Variants in PCED1B observed in about 807,000 individuals in gnomAD.
The protein encoded by PCED1B is PC-esterase domain containing 1B.
For missense variants in PCED1B, 573 were observed against 573.9 expected (o/e 1.00, Z 0.02); for synonymous variants, 251 against 246.1 (o/e 1.02, Z -0.19).
intron 1 of PCED1B, among the ~76,000 whole-genome samples, chr12:47,085,084 C>A (rs761450507): frequency 3.9e-5 from 6 of 152,218 alleles, no homozygotes; most frequent in Non-Finnish European, 8.8e-5. Flanking sequence ...ACAGAGGTTG[C>A]AGTGAGCAGA....
At chr12:47,183,619 T>C (rs1420007295) in intron 2 of PCED1B, among the ~76,000 whole-genome samples, 1 of 152,106 alleles carries the variant, frequency 6.6e-6, no homozygotes, top group Non-Finnish European at 1.5e-5. Flanking sequence ...ATATCACCCA[T>C]TGAACGGGTA....
rs1013120592 is a variant in PCED1B, at chr12:47,168,860, G to A, written c.-525-47362G>A. ...TTTCTTATTTCTGAGTTTTATTAGA[G>A]AATATAACCTGTAAAATTGACCTTT... On this transcript the variant is annotated intron_variant, in intron 2 of 3. Transcript: ENST00000546455. Among the ~76,000 whole-genome samples the A allele has an allele frequency of 4.6e-5, 7 of 151,952 alleles. No individual in the cohort carries two copies. The South Asian group carries it at 1.5e-3, about 32-fold the overall frequency.
intron 1 of PCED1B, among the ~76,000 whole-genome samples, chr12:47,095,326 T>C (rs1415178462): frequency 6.6e-6 from 1 of 152,174 alleles, no homozygotes; most frequent in Non-Finnish European, 1.5e-5. Flanking sequence ...TATTGTTGCT[T>C]CTTTGAAGCT....
chr12:47,224,633 C>T (rs898916307), intron 3 of PCED1B, among the ~76,000 whole-genome samples: 6 of 152,182 alleles, frequency 3.9e-5, no homozygotes, highest in East Asian at 1.9e-4. Context: ...TCGCTTATCT[C>T]GCATGATTTT....
chr12:47,233,198 C>T (rs1943864366), intron 3 of PCED1B, among the ~76,000 whole-genome samples: 1 of 152,180 alleles, frequency 6.6e-6, no homozygotes, highest in Non-Finnish European at 1.5e-5. Flanking sequence ...TGAGCTGCCG[C>T]GCCCACCACA....
intron 2 of PCED1B, among the ~76,000 whole-genome samples, chr12:47,213,804 C>T (rs1052585760): frequency 6.6e-6 from 1 of 152,150 alleles, no homozygotes; most frequent in Non-Finnish European, 1.5e-5. Flanking sequence ...GCAATAGTAG[C>T]TGTCTACATA....
chr12:47,199,837 A>T (rs1942712207), intron 2 of PCED1B, among the ~76,000 whole-genome samples: 1 of 152,240 alleles, frequency 6.6e-6, no homozygotes, highest in Admixed American at 6.5e-5. Flanking sequence ...CTTCAACACC[A>T]AAAGCACAAT....
At chr12:47,093,027 T>C (rs1001081756) in intron 1 of PCED1B, among the ~76,000 whole-genome samples, 14 of 152,184 alleles carry the variant, frequency 9.2e-5, no homozygotes, top group African/African-American at 3.4e-4. Context: ...AAAGCTCACC[T>C]TCTCTTTCTG....
intron 2 of PCED1B, among the ~76,000 whole-genome samples, chr12:47,146,884 C>A: frequency 6.6e-6 from 1 of 152,092 alleles, no homozygotes; most frequent in South Asian, 2.1e-4. Context: ...ATTATAAATT[C>A]CATCTCTGAG....
At chr12:47,110,320 A>G (rs1939135391) in intron 2 of PCED1B, among the ~76,000 whole-genome samples, 3 of 152,284 alleles carry the variant, frequency 2.0e-5, no homozygotes, top group South Asian at 4.1e-4. Flanking sequence ...CCATAATGTG[A>G]GCTTTTGTCA....
At chr12:47,121,908 T>C (rs1340651866) in intron 2 of PCED1B, among the ~76,000 whole-genome samples, 3 of 151,488 alleles carry the variant, frequency 2.0e-5, no homozygotes, top group Non-Finnish European at 4.4e-5. Context: ...GGTGGGCGCC[T>C]GTAATCCCAG....
At chr12:47,113,313 C>T (rs1050702010) in intron 2 of PCED1B, among the ~76,000 whole-genome samples, 2 of 152,102 alleles carry the variant, frequency 1.3e-5, no homozygotes, top group African/African-American at 4.8e-5. Context: ...ATGAAAATAC[C>T]TCACTTTTCT....
intron 2 of PCED1B, among the ~76,000 whole-genome samples, chr12:47,123,793 A>T (rs1198878870): frequency 6.6e-6 from 1 of 152,044 alleles, no homozygotes; most frequent in Non-Finnish European, 1.5e-5. Context: ...TATCATGCTT[A>T]TCTACAATTT....
chr12:47,222,465 T>C (rs1193818273), intron 3 of PCED1B, among the ~76,000 whole-genome samples: 1 of 146,234 alleles, frequency 6.8e-6, no homozygotes, highest in Non-Finnish European at 1.5e-5. Flanking sequence ...TGGGAAGTGA[T>C]AGGGGCCTGC....
chr12:47,098,413 A>G (rs1938568574), intron 1 of PCED1B, among the ~76,000 whole-genome samples: 1 of 152,230 alleles, frequency 6.6e-6, no homozygotes, highest in South Asian at 2.1e-4. Flanking sequence ...AACAAAGGAA[A>G]TCAGACATGC....
intron 2 of PCED1B, among the ~76,000 whole-genome samples, chr12:47,202,398 T>C (rs2137715383): frequency 6.6e-6 from 1 of 152,242 alleles, no homozygotes; most frequent in East Asian, 1.9e-4. Flanking sequence ...TACTGGCTTT[T>C]GCTACAGCTA....
At chr12:47,159,825 T>G (rs1319158690) in intron 2 of PCED1B, among the ~76,000 whole-genome samples, 1 of 151,878 alleles carries the variant, frequency 6.6e-6, no homozygotes, top group Non-Finnish European at 1.5e-5. Context: ...ACCAACGTCC[T>G]AAAATGTTTC....
rs574331439 is a variant in PCED1B, at chr12:47,161,299, C to T, written c.-525-54923C>T. On this transcript the variant is annotated intron_variant, in intron 2 of 3. Transcript: ENST00000546455. ...GGGTATTCTTTTGTATGTGAATATC[C>T]ACTTTTCTAGCACAATTTGTTAAAA... Among the ~76,000 whole-genome samples, 4 of 152,220 alleles carry T rather than the reference C, an allele frequency of 2.6e-5. No individual in the cohort carries two copies. The East Asian group carries it at 7.7e-4, about 29-fold the overall frequency.
intron 2 of PCED1B, among the ~76,000 whole-genome samples, chr12:47,123,067 C>T (rs1939745364): frequency 6.6e-6 from 1 of 152,152 alleles, no homozygotes; most frequent in African/African-American, 2.4e-5. Flanking sequence ...TTGTCATCTG[C>T]CTTATGTAGA....
Sources: allele counts gnomAD v4.1 joint callset (sites outside exome capture counted in the v4.1 genomes callset), GRCh38; gene constraint gnomAD v4.1.1; transcripts MANE v1.5; gene names NCBI Gene and HGNC (gene_info 2026-07-23, HGNC 2026-07-21).